The following NPAS3 variants were observed in gnomAD, a reference collection of about 807,000 sequenced individuals.
NPAS3 encodes neuronal PAS domain protein 3.
In NPAS3, 14 loss-of-function variants were observed where a neutral mutation model predicts 73.1. The observed-to-expected ratio is 0.19, with a 90% confidence interval of 0.13 to 0.30. The LOEUF (loss-of-function observed/expected upper bound fraction) is 0.30, where lower values mean the gene tolerates loss of function less well. Ranked by LOEUF, NPAS3 falls within the 10% of genes least tolerant of loss-of-function variation. The pLI is 1.00. For missense variants in NPAS3, 1,096 were observed against 1,250.0 expected (o/e 0.88, Z 1.86); for synonymous variants, 620 against 541.5 (o/e 1.14, Z -2.01).
At chr14:33,530,839 A>C (rs2140173715) in intron 4 of NPAS3, among the ~76,000 whole-genome samples, 1 of 152,216 alleles carries the variant, frequency 6.6e-6, no homozygotes, top group Admixed American at 6.5e-5. Flanking sequence ...TAAAAAATCG[A>C]AGGCTCTGGC....
chr14:33,066,582 T>A (rs2041288805), intron 2 of NPAS3, among the ~76,000 whole-genome samples: 1 of 152,200 alleles, frequency 6.6e-6, no homozygotes, highest in African/African-American at 2.4e-5. Flanking sequence ...GGTTCACTTG[T>A]ACCACAAATA....
intron 3 of NPAS3, among the ~76,000 whole-genome samples, chr14:33,308,261 G>A (rs912615349): frequency 6.6e-5 from 10 of 152,118 alleles, no homozygotes; most frequent in Non-Finnish European, 1.3e-4. Flanking sequence ...CATTACTGGT[G>A]TTTGAATAAC....
chr14:33,008,233 T>A (rs1566459695), intron 1 of NPAS3, among the ~76,000 whole-genome samples: 1 of 151,898 alleles, frequency 6.6e-6, no homozygotes, highest in Non-Finnish European at 1.5e-5. Context: ...TCTGCACGGT[T>A]AAAAAAAATG....
intron 3 of NPAS3, among the ~76,000 whole-genome samples, chr14:33,257,612 A>G (rs1262483016): frequency 1.2e-4 from 18 of 152,206 alleles, no homozygotes; most frequent in Admixed American, 1.3e-4. Context: ...ATAGGAGTAG[A>G]TCACTTTTGA....
intron 3 of NPAS3, among the ~76,000 whole-genome samples, chr14:33,285,377 T>G (rs763948562): frequency 6.6e-6 from 1 of 152,190 alleles, no homozygotes; most frequent in Non-Finnish European, 1.5e-5. Flanking sequence ...GCATTTAAGA[T>G]GACCTGGAGA....
intron 2 of NPAS3, among the ~76,000 whole-genome samples, chr14:33,121,465 T>G (rs1029794855): frequency 1.3e-5 from 2 of 152,158 alleles, no homozygotes; most frequent in African/African-American, 4.8e-5. Flanking sequence ...CTTGAAGGCA[T>G]GACTCTTGTT....
chr14:33,210,009 G>T (rs1282202396), intron 2 of NPAS3, among the ~76,000 whole-genome samples: 1 of 152,092 alleles, frequency 6.6e-6, no homozygotes, highest in African/African-American at 2.4e-5. Flanking sequence ...CACTGAAGAG[G>T]AAGAAACATT....
chr14:33,272,277 A>G (rs2041126433), intron 3 of NPAS3, among the ~76,000 whole-genome samples: 1 of 152,206 alleles, frequency 6.6e-6, no homozygotes, highest in Non-Finnish European at 1.5e-5. Context: ...TCTTGATCAC[A>G]GTACTCATAA....
chr14:33,107,442 G>T (rs940069180), intron 2 of NPAS3, among the ~76,000 whole-genome samples: 4 of 151,690 alleles, frequency 2.6e-5, no homozygotes, highest in African/African-American at 9.7e-5. Context: ...AGTGTCTGTT[G>T]TTCCCATCTT....
intron 2 of NPAS3, among the ~76,000 whole-genome samples, chr14:33,180,205 T>A (rs2045740752): frequency 6.6e-6 from 1 of 152,202 alleles, no homozygotes; most frequent in African/African-American, 2.4e-5. Flanking sequence ...ACCCCAACTC[T>A]CGTACCTGGC....
At chr14:33,224,016 T>C (rs1304716081) in intron 3 of NPAS3, among the ~76,000 whole-genome samples, 1 of 152,176 alleles carries the variant, frequency 6.6e-6, no homozygotes, top group Admixed American at 6.6e-5. Flanking sequence ...ATTTACTCTC[T>C]TGAGAAAACT....
intron 3 of NPAS3, among the ~76,000 whole-genome samples, chr14:33,306,741 A>G (rs2042768935): frequency 6.6e-6 from 1 of 152,180 alleles, no homozygotes; most frequent in Non-Finnish European, 1.5e-5. Context: ...TAGCCCTTAC[A>G]TCTATTAGAG....
intron 2 of NPAS3, among the ~76,000 whole-genome samples, chr14:33,108,641 A>G (rs938172033): frequency 6.6e-6 from 1 of 152,128 alleles, no homozygotes; most frequent in African/African-American, 2.4e-5. Context: ...GAACAAATAG[A>G]ATGTTGTTTT....
At chr14:33,482,681 C>T (rs965645097) in intron 4 of NPAS3, among the ~76,000 whole-genome samples, 3 of 152,064 alleles carry the variant, frequency 2.0e-5, no homozygotes, top group Admixed American at 6.5e-5. Context: ...TTCTGCCACA[C>T]CTGGCAGAAG....
chr14:33,152,016 C>T (rs1268349619), intron 2 of NPAS3, among the ~76,000 whole-genome samples: 1 of 152,026 alleles, frequency 6.6e-6, no homozygotes, highest in Non-Finnish European at 1.5e-5. Context: ...TTCTGATTCT[C>T]AACCAGGAGT....
intron 7 of NPAS3, among the ~76,000 whole-genome samples, chr14:33,758,025 A>C (rs747180380): frequency 6.6e-6 from 1 of 152,222 alleles, no homozygotes; most frequent in Non-Finnish European, 1.5e-5. Context: ...TGAATGAATG[A>C]ACGAATGAAT....
At position 33,118,468 on chromosome 14, in the gene NPAS3, T is replaced by C. The variant is rs149079241; in HGVS notation, c.140+62474T>C. On this transcript the variant is annotated intron_variant, in intron 2 of 11. Coordinates refer to ENST00000356141, the Ensembl canonical transcript of NPAS3. ...TGTTTATCTTTGTGGTTGTATTCTTTCATGGTAATCTTCAAAATATCCTCA... is the reference window on the plus strand; with the variant it reads ...TGTTTATCTTTGTGGTTGTATTCTTCCATGGTAATCTTCAAAATATCCTCA... Among the ~76,000 whole-genome samples, 3 of 152,262 alleles carry C rather than the reference T, an allele frequency of 2.0e-5. No individual in the cohort carries two copies. The East Asian group carries it at 5.8e-4, about 29-fold the overall frequency.
At chr14:32,968,171 G>T (rs925306623) in intron 1 of NPAS3, among the ~76,000 whole-genome samples, 2 of 152,078 alleles carry the variant, frequency 1.3e-5, no homozygotes, top group African/African-American at 4.8e-5. Flanking sequence ...TTGCACAGTA[G>T]GATGACTACA....
chr14:33,110,609 A>G (rs1011873287), intron 2 of NPAS3, among the ~76,000 whole-genome samples: 1 of 152,172 alleles, frequency 6.6e-6, no homozygotes, highest in Non-Finnish European at 1.5e-5. Flanking sequence ...TGGAATGTGC[A>G]AAGTTTGAAT....
Sources: allele counts gnomAD v4.1 joint callset (sites outside exome capture counted in the v4.1 genomes callset), GRCh38; gene constraint gnomAD v4.1.1; transcripts MANE v1.5; gene names NCBI Gene and HGNC (gene_info 2026-07-23, HGNC 2026-07-21).